The following RAPGEF4 variants were observed in gnomAD, a reference collection of about 807,000 sequenced individuals.
The protein encoded by RAPGEF4 is Rap guanine nucleotide exchange factor 4, also known as RAP guanine-nucleotide-exchange factor (GEF) 4.
In RAPGEF4, 66 loss-of-function variants were observed where a neutral mutation model predicts 147.9. That is an observed-to-expected ratio of 0.45 (90% confidence interval 0.37 to 0.55). The LOEUF (loss-of-function observed/expected upper bound fraction) is 0.55. RAPGEF4 is among the 20% of genes least tolerant of loss of function. The pLI is 0.00. For synonymous variants in RAPGEF4, 419 were observed against 442.7 expected, an observed-to-expected ratio of 0.95 and a Z score of 0.67; for missense variants, 1,071 against 1,257.3, an observed-to-expected ratio of 0.85 and a Z score of 2.24.
chr2:172,848,374 T>C lies in RAPGEF4; in HGVS notation c.444+33949T>C, dbSNP rs4972864. On this transcript the variant is annotated intron_variant, in intron 4 of 30. Coordinates refer to ENST00000397081, the MANE Select transcript of RAPGEF4 (RefSeq NM_007023.4). The stretch of plus-strand genomic sequence containing the variant: ...TGAGCTGGTAGTTTCATTTTTAGTA[T>C]AGAAATTAAGTTTAATTAAAATTTA... Among the ~76,000 whole-genome samples, 5,452 of 152,276 alleles carry C rather than the reference T, an allele frequency of 0.036. 527 individuals are homozygous for C. In the East Asian group the frequency reaches 0.37, roughly 10 times the overall value.
At chr2:172,927,199 TTTCA>T (rs1451668140) in intron 6 of RAPGEF4, among the ~76,000 whole-genome samples, 2 of 152,186 alleles carry the variant, frequency 1.3e-5, no homozygotes, top group Non-Finnish European at 2.9e-5. Context: ...AGGAAATAAG[TTTCA>T]CAGTTTGTGG....
At chr2:172,977,662 G>T (rs1416908673) in intron 10 of RAPGEF4, among the ~76,000 whole-genome samples, 1 of 152,134 alleles carries the variant, frequency 6.6e-6, no homozygotes, top group African/African-American at 2.4e-5. Context: ...TGCTCCACCT[G>T]GCCTCCTCCC....
intron 1 of RAPGEF4, among the ~76,000 whole-genome samples, chr2:172,765,571 G>A (rs1381199296): frequency 2.6e-5 from 4 of 152,228 alleles, no homozygotes; most frequent in Non-Finnish European, 5.9e-5. Flanking sequence ...TCCTGGGGAT[G>A]CTGGTGTCTG....
At chr2:172,953,001 G>T (rs577106815) in intron 6 of RAPGEF4, among the ~76,000 whole-genome samples, 2 of 152,086 alleles carry the variant, frequency 1.3e-5, no homozygotes, top group South Asian at 2.1e-4. Context: ...CAGTTGACAG[G>T]GGGGGTCCAG....
At chr2:172,748,513 A>T (rs1694977208) in intron 1 of RAPGEF4, among the ~76,000 whole-genome samples, 1 of 152,144 alleles carries the variant, frequency 6.6e-6, no homozygotes, top group South Asian at 2.1e-4. Context: ...CACTACCACA[A>T]GAACAGAATT....
At chr2:172,803,910 A>G (rs1167614714) in intron 3 of RAPGEF4, among the ~76,000 whole-genome samples, 4 of 152,176 alleles carry the variant, frequency 2.6e-5, no homozygotes, top group Non-Finnish European at 4.4e-5. Context: ...ACATAACAAG[A>G]GCCACCTTTG....
At chr2:172,896,706 G>A (rs1338116105) in intron 4 of RAPGEF4, among the ~76,000 whole-genome samples, 1 of 152,048 alleles carries the variant, frequency 6.6e-6, no homozygotes, top group Non-Finnish European at 1.5e-5. Flanking sequence ...GCTTGGCAGA[G>A]GGCATTGTGA....
chr2:172,935,897 G>A (rs181342475), intron 6 of RAPGEF4, among the ~76,000 whole-genome samples: 35 of 152,146 alleles, frequency 2.3e-4, no homozygotes, highest in Non-Finnish European at 3.5e-4. Flanking sequence ...ACATTTTTAA[G>A]TCTTTAAAGT....
intron 18 of RAPGEF4, among the ~76,000 whole-genome samples, chr2:173,015,032 G>A (rs142067389): frequency 6.6e-6 from 1 of 152,252 alleles, no homozygotes; most frequent in East Asian, 1.9e-4. Context: ...ATATATTTAT[G>A]TGTTCCCTTA....
At chr2:173,023,221 TCTC>T (rs1696286682) in intron 23 of RAPGEF4, among the ~76,000 whole-genome samples, 1 of 152,180 alleles carries the variant, frequency 6.6e-6, no homozygotes, top group Non-Finnish European at 1.5e-5. Context: ...TATGTCTTAG[TCTC>T]CTCATCTGGA....
At chr2:173,017,298 T>C (rs1575528212) in intron 20 of RAPGEF4, 94 bp downstream of exon 20, 2 of 1,506,936 alleles carry the variant, frequency 1.3e-6, no homozygotes, top group East Asian at 2.3e-5. Context: ...AGTGATTTCT[T>C]TTTTGTAGAC....
intron 4 of RAPGEF4, among the ~76,000 whole-genome samples, chr2:172,847,335 CAA>C (rs2149722330): frequency 6.6e-6 from 1 of 152,240 alleles, no homozygotes; most frequent in Admixed American, 6.5e-5. Context: ...TTTAGGGAAA[CAA>C]TATGAAAATG....
At chr2:172,736,797 C>T (rs1210200406) in intron 1 of RAPGEF4, among the ~76,000 whole-genome samples, 2 of 152,228 alleles carry the variant, frequency 1.3e-5, no homozygotes, top group African/African-American at 4.8e-5. Context: ...AAACGTTACA[C>T]AGTATGTTAG....
Position 172,925,777 on chromosome 2 carries a change from A to AAGAAAGAGAGAGAGAG in RAPGEF4, c.537+3480_537+3481insAAGAGAGAGAGAGAGA, listed in dbSNP as rs1553531721. 2.8e-4 allele frequency among the ~76,000 whole-genome samples: 38 copies of AAGAAAGAGAGAGAGAG among 133,890 alleles called. 1 individual carries two copies. Among genetic ancestry groups the AAGAAAGAGAGAGAGAG allele is most frequent in the Admixed American group, 2.5e-3 (30 of 12,004 alleles). 87.8% of individuals were successfully genotyped at this position (133,890 alleles called of 152,430 possible). Reference sequence around the variant, plus strand: ...AAAGAGAGAAAGGAAGAAAGAAAGAAAGAGAGAGAGAGAGAGAGAGAAAGA... The same window carrying AAGAAAGAGAGAGAGAG: ...AAAGAGAGAAAGGAAGAAAGAAAGAAAGAAAGAGAGAGAGAGAGAGAGAGAGAGAGAGAGAGAAAGA... On this transcript the variant is annotated intron_variant, in intron 6 of 30. Coordinates refer to ENST00000397081, the MANE Select transcript of RAPGEF4 (RefSeq NM_007023.4).
At chr2:172,807,038 A>G (rs1252920456) in intron 3 of RAPGEF4, among the ~76,000 whole-genome samples, 3 of 152,224 alleles carry the variant, frequency 2.0e-5, no homozygotes, top group Non-Finnish European at 2.9e-5. Flanking sequence ...CATCATTGGA[A>G]ACATTTTTTT....
chr2:172,801,993 G>C (rs1457147135), intron 3 of RAPGEF4, among the ~76,000 whole-genome samples: 2 of 152,218 alleles, frequency 1.3e-5, no homozygotes, highest in Non-Finnish European at 1.5e-5. Context: ...ATCTGGATTA[G>C]AGGGTGGGGT....
upstream of RAPGEF4, chr2:172,735,366 G>A (rs1693661035): frequency 6.6e-6 from 1 of 152,040 alleles, no homozygotes; most frequent in Admixed American, 6.6e-5. Context: ...AGCCTTCCTC[G>A]CCCTCCCCTC....
chr2:172,922,291 CAAG>C lies in RAPGEF4; in HGVS notation c.529_531del (p.Lys177del). The C allele has an allele frequency of 6.2e-7, 1 of 1,606,822 alleles. No homozygotes were observed. The highest frequency in any genetic ancestry group is 8.5e-7 in the Non-Finnish European group (1 of 1,173,462). ...TTTTTCCTCCTTTAGGGATTCCTGA[CAAG>C]GAGAACGTGAGTAGCTACTCTCTCT... On this transcript the variant is annotated inframe_deletion, in exon 6 of 31. Transcript: ENST00000397081.
intron 6 of RAPGEF4, chr2:172,928,481 C>T (rs1385551262): frequency 1.2e-4 from 28 of 239,326 alleles, no homozygotes; most frequent in Non-Finnish European, 4.2e-5. Context: ...TTTTGAATGT[C>T]CTGGACATTG....
Sources: allele counts gnomAD v4.1 joint callset (sites outside exome capture counted in the v4.1 genomes callset), GRCh38; gene constraint gnomAD v4.1.1; transcripts MANE v1.5; gene names NCBI Gene and HGNC (gene_info 2026-07-23, HGNC 2026-07-21).